TBC1D5: variants seen among roughly 807,000 people sequenced by gnomAD.
The protein encoded by TBC1D5 is TBC1 domain family member 5, also known as TBC1 domain family, member 5.
A neutral mutation model predicts 100.3 loss-of-function variants in TBC1D5; 75 were observed. The observed-to-expected ratio is 0.75, with a 90% CI of 0.62 to 0.91. The LOEUF (loss-of-function observed/expected upper bound fraction) is 0.91. Ranked by LOEUF, TBC1D5 falls within the 40% of genes least tolerant of loss-of-function variation. The probability of loss-of-function intolerance (pLI) is 0.00; values close to 1 mark genes in which losing one functional copy is unlikely to be tolerated. For missense variants in TBC1D5, 910 were observed against 942.4 expected (o/e 0.97, Z 0.45); for synonymous variants, 323 against 325.6 (o/e 0.99, Z 0.09).
chr3:17,494,994 C>T (rs150514969), intron 3 of TBC1D5, among the ~76,000 whole-genome samples: 150 of 152,262 alleles, frequency 9.9e-4, no homozygotes, highest in Non-Finnish European at 1.9e-3. Context: ...TACTCACTGC[C>T]TCCCCTGGCT....
In TBC1D5 at chr3:17,675,814, C is replaced by A. The variant is rs142181784; in HGVS notation, c.-100-51901G>T. Among the ~76,000 whole-genome samples, 655 of 151,966 alleles carry A rather than the reference C, an allele frequency of 4.3e-3. 3 individuals carry two copies. The highest frequency in any genetic ancestry group is 8.2e-3 in the Admixed American group (126 of 15,274). On this transcript the variant is annotated intron_variant, in intron 1 of 21. Coordinates refer to ENST00000253692, the Ensembl canonical transcript of TBC1D5. ...GTGGATATGACATGCTTTCACAGAA[C>A]AAAAAGACGTTTCCTTAGAATTTAT...
chr3:17,247,848 C>T (rs887005316), intron 16 of TBC1D5, among the ~76,000 whole-genome samples: 2 of 152,040 alleles, frequency 1.3e-5, no homozygotes, highest in Non-Finnish European at 2.9e-5. Context: ...CTTAAGAAAC[C>T]ACTTTACCCA....
At chr3:17,344,670 T>C (rs922812323) in intron 13 of TBC1D5, among the ~76,000 whole-genome samples, 6 of 152,084 alleles carry the variant, frequency 3.9e-5, no homozygotes, top group African/African-American at 9.7e-5. Context: ...CAAACTATAC[T>C]ACAAGGCTAC....
intron 1 of TBC1D5, among the ~76,000 whole-genome samples, chr3:17,667,690 T>C (rs2067428871): frequency 6.6e-6 from 1 of 152,000 alleles, no homozygotes; most frequent in South Asian, 2.1e-4. Flanking sequence ...GGGCTCAAGC[T>C]ATCTACCCGC....
In TBC1D5 at chr3:17,193,466, T is replaced by A. The variant is rs9858060; in HGVS notation, c.1753-8258A>T. Among the ~76,000 whole-genome samples the A allele has an allele frequency of 4.8e-3, 733 of 152,302 alleles. 7 individuals carry two copies. The highest frequency in any genetic ancestry group is 0.017 in the African/African-American group (692 of 41,556). ...GGTGTTGGCAGGTTAAAATAATTAA[T>A]TCAGATCACATGCTTGCCGTGGGTG... On this transcript the variant is annotated intron_variant, in intron 18 of 21. Coordinates refer to ENST00000253692, the Ensembl canonical transcript of TBC1D5.
chr3:17,203,074 G>A (rs573167692), intron 18 of TBC1D5, among the ~76,000 whole-genome samples: 1 of 152,334 alleles, frequency 6.6e-6, no homozygotes, highest in African/African-American at 2.4e-5. Context: ...CTAAATGCCA[G>A]CTTGTGAAAG....
chr3:17,624,767 T>C (rs574302086), intron 1 of TBC1D5, among the ~76,000 whole-genome samples: 2 of 152,186 alleles, frequency 1.3e-5, no homozygotes, highest in South Asian at 2.1e-4. Flanking sequence ...CTGAAGAACA[T>C]GTTACAAAAC....
rs1366621522 is a variant in TBC1D5 at position 17,677,460 on chromosome 3, C to T, written c.-100-53547G>A. On this transcript the variant is annotated intron_variant, in intron 1 of 21. Transcript: ENST00000253692. ...AAAACCACAATGAGATACCATCTCA[C>T]ACCAGTTAGAATGGTGATCATTAAA... Among the ~76,000 whole-genome samples, 2 of 152,188 alleles carry T rather than the reference C, an allele frequency of 1.3e-5. 1 individual carries two copies. Among genetic ancestry groups the T allele is most frequent in the Non-Finnish European group, 2.9e-5 (2 of 68,040 alleles).
chr3:17,162,177 C>G (rs892693377), intron 21 of TBC1D5, among the ~76,000 whole-genome samples: 1 of 152,206 alleles, frequency 6.6e-6, no homozygotes, highest in Non-Finnish European at 1.5e-5. Context: ...AGCTGCCTCC[C>G]TCACCCTGTC....
chr3:17,257,812 T>A (rs1188900766), intron 16 of TBC1D5, among the ~76,000 whole-genome samples: 2 of 152,192 alleles, frequency 1.3e-5, no homozygotes, highest in Non-Finnish European at 2.9e-5. Context: ...GGCAAAATGC[T>A]TGAGGAAGAA....
At chr3:17,599,155 G>A (rs918528630) in intron 2 of TBC1D5, among the ~76,000 whole-genome samples, 3 of 152,146 alleles carry the variant, frequency 2.0e-5, no homozygotes, top group Non-Finnish European at 4.4e-5. Context: ...GGAAGTACTA[G>A]GTAAAAGGGG....
intron 2 of TBC1D5, among the ~76,000 whole-genome samples, chr3:17,599,775 T>TGA (rs1359062741): frequency 2.6e-5 from 4 of 152,170 alleles, no homozygotes; most frequent in African/African-American, 4.8e-5. Context: ...GCAAGGGGTC[T>TGA]GAGCAAGGTG....
chr3:17,300,379 T>C (rs1370643112), intron 14 of TBC1D5, among the ~76,000 whole-genome samples: 1 of 152,204 alleles, frequency 6.6e-6, no homozygotes, highest in East Asian at 1.9e-4. Flanking sequence ...AAATACAATT[T>C]GTAGTTGAAA....
In TBC1D5 at chr3:17,504,494, T is replaced by A. The variant is rs186799250; in HGVS notation, c.97+3980A>T. ...AAAAGGATTATATATTGTTGAATGCTCTGAATGAATCAAAAATAATGTCAG... is the reference window on the plus strand; with the variant it reads ...AAAAGGATTATATATTGTTGAATGCACTGAATGAATCAAAAATAATGTCAG... On this transcript the variant is annotated intron_variant, in intron 3 of 21. Coordinates refer to ENST00000253692, the Ensembl canonical transcript of TBC1D5. Among the ~76,000 whole-genome samples, 76 of 152,088 alleles carry A rather than the reference T, an allele frequency of 5.0e-4. No homozygotes were observed. In the East Asian group the frequency reaches 0.012, roughly 25 times the overall value.
intron 2 of TBC1D5, among the ~76,000 whole-genome samples, chr3:17,554,645 A>T (rs1167996044): frequency 2.0e-5 from 3 of 152,186 alleles, no homozygotes; most frequent in African/African-American, 7.2e-5. Flanking sequence ...ATCATGGAGC[A>T]CTTTTCTGCA....
chr3:17,673,152 A>T (rs1046870888), intron 1 of TBC1D5, among the ~76,000 whole-genome samples: 5 of 152,222 alleles, frequency 3.3e-5, no homozygotes, highest in Non-Finnish European at 7.3e-5. Context: ...ACATAAATGT[A>T]GTAATAATAC....
intron 1 of TBC1D5, among the ~76,000 whole-genome samples, chr3:17,700,530 G>A (rs1251235823): frequency 1.3e-5 from 2 of 152,174 alleles, no homozygotes; most frequent in African/African-American, 4.8e-5. Flanking sequence ...ACTACCATCA[G>A]AGTGAACAGG....
intron 9 of TBC1D5, among the ~76,000 whole-genome samples, chr3:17,376,885 A>T (rs2092732162): frequency 6.6e-6 from 1 of 152,270 alleles, no homozygotes; most frequent in South Asian, 2.1e-4. Context: ...GGCATGGTAG[A>T]TAACCTTGCA....
chr3:17,487,498 T>C (rs900908724), intron 3 of TBC1D5, among the ~76,000 whole-genome samples: 1 of 152,210 alleles, frequency 6.6e-6, no homozygotes, highest in African/African-American at 2.4e-5. Context: ...TAGAAGGTCA[T>C]GGGTTACAAA....
Sources: gnomAD v4.1 joint callset for allele counts (sites outside exome capture counted in the v4.1 genomes callset) on GRCh38, gnomAD v4.1.1 for gene constraint, MANE v1.5 for transcripts, NCBI Gene and HGNC (gene_info 2026-07-23, HGNC 2026-07-21) for gene names.